Variants in C4orf36 observed in about 807,000 individuals in gnomAD.
C4orf36 encodes the protein uncharacterized protein C4orf36.
Under a neutral mutation model 12.2 loss-of-function variants are expected in C4orf36, and 11 were observed. The ratio of observed to expected loss-of-function variants is 0.90; its 90% CI spans 0.57 to 1.49. C4orf36 has a LOEUF of 1.49. C4orf36 is among the 40% of genes most tolerant of loss of function. C4orf36 has a pLI of 0.00. For synonymous variants in C4orf36, 54 were observed against 51.3 expected (o/e 1.05, Z -0.22); for missense variants, 137 against 133.9 (o/e 1.02, Z -0.11).
the C4orf36 span, among the ~76,000 whole-genome samples, chr4:86,932,772 G>GA: frequency 1.6e-5 from 2 of 124,336 alleles, no homozygotes; most frequent in African/African-American, 3.0e-5. Flanking sequence ...ATTTGGGGGG[G>GA]TGGGGGGGTT....
chr4:86,903,994 CACAGAGTGCTGACTGGTGCATTTACA>C, the C4orf36 span, among the ~76,000 whole-genome samples: 1 of 152,232 alleles, frequency 6.6e-6, no homozygotes, highest in African/African-American at 2.4e-5. Flanking sequence ...TCTAGCTAGA[CACAGAGTGCTGACTGGTGCATTTACA>C]ATCCTTTAGC....
chr4:86,926,878 G>A, the C4orf36 span, among the ~76,000 whole-genome samples: 7 of 152,260 alleles, frequency 4.6e-5, no homozygotes, highest in South Asian at 1.4e-3. Flanking sequence ...CTGTTTAGCT[G>A]TGAGTTTTTA....
the C4orf36 span, among the ~76,000 whole-genome samples, chr4:86,922,452 C>T: frequency 2.0e-5 from 3 of 152,296 alleles, no homozygotes; most frequent in East Asian, 3.9e-4. Context: ...GCTCCTTAGT[C>T]CAAAGCAATC....
intron 4 of C4orf36, among the ~76,000 whole-genome samples, chr4:86,883,505 A>G (rs997263947): frequency 4.8e-4 from 73 of 152,228 alleles, no homozygotes; most frequent in Admixed American, 3.5e-3. Flanking sequence ...CTAACACTAG[A>G]GTAATTCTCA....
chr4:86,911,826 A>G, the C4orf36 span, among the ~76,000 whole-genome samples: 1 of 151,998 alleles, frequency 6.6e-6, no homozygotes, highest in Non-Finnish European at 1.5e-5. Flanking sequence ...AGCTGGGACC[A>G]CAGGCATGCA....
chr4:86,932,757 G>A, the C4orf36 span, among the ~76,000 whole-genome samples: 1 of 118,316 alleles, frequency 8.5e-6, no homozygotes, highest in African/African-American at 3.3e-5. Context: ...TTAAAAGGGA[G>A]ATTTATTTGG....
chr4:86,899,035 G>A, the C4orf36 span, among the ~76,000 whole-genome samples: 1 of 152,100 alleles, frequency 6.6e-6, no homozygotes, highest in Non-Finnish European at 1.5e-5. Flanking sequence ...AGGCTGCAGT[G>A]AGCCACGATT....
the C4orf36 span, chr4:86,913,184 G>A: frequency 1.8e-5 from 7 of 391,144 alleles, no homozygotes; most frequent in Non-Finnish European, 2.4e-5. Context: ...TGGCTTCCTT[G>A]CCATCGTGCC....
chr4:86,928,355 G>T, the C4orf36 span, among the ~76,000 whole-genome samples: 1 of 152,214 alleles, frequency 6.6e-6, no homozygotes, highest in African/African-American at 2.4e-5. Flanking sequence ...CTGGGCCAGA[G>T]CCATTGCCCA....
chr4:86,892,469 G>A, upstream of C4orf36: 4 of 985,328 alleles, frequency 4.1e-6, no homozygotes, highest in Non-Finnish European at 4.8e-6. Context: ...GCTTTGTGGG[G>A]CCCTCCCCAC....
the C4orf36 span, chr4:86,932,429 G>A: frequency 6.6e-6 from 1 of 151,958 alleles, no homozygotes; most frequent in East Asian, 1.9e-4. Context: ...CAGTCATTTG[G>A]AGGAACATAA....
At chr4:86,894,155 C>T (rs751270317), upstream of C4orf36, among the ~76,000 whole-genome samples, 52 of 152,106 alleles carry the variant, frequency 3.4e-4, no homozygotes, top group Admixed American at 5.9e-4. Context: ...CCTCGGCCTC[C>T]CAAAGTGCTG....
chr4:86,929,162 T>C, the C4orf36 span, among the ~76,000 whole-genome samples: 5 of 152,178 alleles, frequency 3.3e-5, no homozygotes, highest in Admixed American at 3.3e-4. Context: ...ACAACACTCA[T>C]TCATTACCTG....
In C4orf36 at chr4:86,889,183, C is replaced by T. The variant is rs980676486; in HGVS notation, c.66-908G>A. Reference sequence around the variant, plus strand: ...TGGCCAACATGGTGAAATCCCGTCTCTACTAAAAATACAAAACTTAGCTGG... The same window carrying T: ...TGGCCAACATGGTGAAATCCCGTCTTTACTAAAAATACAAAACTTAGCTGG... On this transcript the variant is annotated intron_variant, in intron 2 of 4. Coordinates refer to ENST00000295898, the MANE Select transcript of C4orf36 (RefSeq NM_144645.4). Among the ~76,000 whole-genome samples the T allele has an allele frequency of 4.6e-5, 7 of 152,036 alleles. No individual in the cohort carries two copies. The East Asian group carries it at 1.2e-3, about 25-fold the overall frequency.
rs1231922065 is a variant in C4orf36, at chr4:86,876,363, G to A, written c.*83C>T. On this transcript the variant is annotated 3_prime_UTR_variant, in exon 5 of 5. Transcript: ENST00000295898. ...CTGCAGCGCAGCGACGGCCGGGGCC[G>A]GGAGCGGGTCCTGGGCGGCCCAGGA... 24 of 1,586,922 alleles carry A rather than the reference G, an allele frequency of 1.5e-5. No individual in the cohort carries two copies. The highest frequency in any genetic ancestry group is 2.3e-5 in the East Asian group (1 of 44,120).
At chr4:86,904,204 T>G in the C4orf36 span, among the ~76,000 whole-genome samples, 248 of 152,196 alleles carry the variant, frequency 1.6e-3, 1 homozygote, top group Non-Finnish European at 2.6e-3. Flanking sequence ...CCGCGCCCAG[T>G]GCGGGGCCAG....
chr4:86,892,040 C>G, intron 1 of C4orf36, 143 bp downstream of exon 1: 1 of 986,356 alleles, frequency 1.0e-6, no homozygotes. Flanking sequence ...CCCTTGCACG[C>G]CGATTCGGGG....
At chr4:86,896,726 T>C (rs1747597707), upstream of C4orf36, among the ~76,000 whole-genome samples, 1 of 152,244 alleles carries the variant, frequency 6.6e-6, no homozygotes, top group South Asian at 2.1e-4. Flanking sequence ...AATCTGATTC[T>C]CTAGCCAGCC....
In C4orf36 at chr4:86,891,463, A is replaced by G; in HGVS notation, c.58T>C (p.Tyr20His). ...TVKTILRGSC[Y>H]NVQEPWDIAL... ...AAAAAAAATAGTACTTACACATTATAACAACTGCCCCGCAAAATGGTTTTC... is the reference window on the plus strand; with the variant it reads ...AAAAAAAATAGTACTTACACATTATGACAACTGCCCCGCAAAATGGTTTTC... The change falls in exon 2 of 5, where the codon TAT (tyrosine) becomes CAT (histidine). Residue 20 changes from tyrosine to histidine, a missense_variant. Coordinates refer to ENST00000295898, the MANE Select transcript of C4orf36 (RefSeq NM_144645.4). The G allele has an allele frequency of 6.2e-7, 1 of 1,613,928 alleles. No individual in the cohort carries two copies. The highest frequency in any genetic ancestry group is 8.5e-7 in the Non-Finnish European group (1 of 1,179,988).
Sources: allele counts gnomAD v4.1 joint callset (sites outside exome capture counted in the v4.1 genomes callset), GRCh38; gene constraint gnomAD v4.1.1; transcripts MANE v1.5; gene names NCBI Gene and HGNC (gene_info 2026-07-23, HGNC 2026-07-21).